The following CSNK1G3 variants were observed in gnomAD, a reference collection of about 807,000 sequenced individuals.
The protein encoded by CSNK1G3 is casein kinase 1 gamma 3, also known as casein kinase I isoform gamma-3.
A neutral mutation model predicts 64.3 loss-of-function variants in CSNK1G3; 23 were observed. That is an observed-to-expected ratio of 0.36 (90% CI 0.26 to 0.51). CSNK1G3 has a LOEUF of 0.51. Ranked by LOEUF, CSNK1G3 falls within the 20% of genes least tolerant of loss-of-function variation. CSNK1G3 has a pLI of 0.96. For missense variants in CSNK1G3, 357 were observed against 510.5 expected (o/e 0.70, Z 2.90); for synonymous variants, 158 against 162.2 (o/e 0.97, Z 0.20).
At chr5:123,576,526 TCTTC>T (rs1789202741) in intron 6 of CSNK1G3, among the ~76,000 whole-genome samples, 2 of 152,236 alleles carry the variant, frequency 1.3e-5, no homozygotes, top group South Asian at 4.1e-4. Flanking sequence ...TTTATAGCAT[TCTTC>T]CTTCACCCAG....
intron 3 of CSNK1G3, among the ~76,000 whole-genome samples, chr5:123,556,166 G>A (rs1002105232): frequency 6.6e-6 from 1 of 151,972 alleles, no homozygotes; most frequent in Non-Finnish European, 1.5e-5. Context: ...GTTTTCTCCT[G>A]TAATAAAACT....
chr5:123,541,659 T>A (rs1454786802), intron 1 of CSNK1G3, among the ~76,000 whole-genome samples: 1 of 152,178 alleles, frequency 6.6e-6, no homozygotes, highest in East Asian at 1.9e-4. Context: ...CTTGAACTCC[T>A]GAGGTCAAGC....
chr5:123,577,749 G>A (rs1324519221), intron 6 of CSNK1G3, among the ~76,000 whole-genome samples: 1 of 151,294 alleles, frequency 6.6e-6, no homozygotes, highest in Non-Finnish European at 1.5e-5. Context: ...AATTTACATT[G>A]GGTAAAATAT....
intron 1 of CSNK1G3, among the ~76,000 whole-genome samples, chr5:123,539,559 A>G (rs1257183182): frequency 6.6e-6 from 1 of 152,012 alleles, no homozygotes; most frequent in African/African-American, 2.4e-5. Context: ...TTTGATTATT[A>G]TTTGTTAAAC....
At chr5:123,611,926 A>ATTT (rs1796403045) in intron 12 of CSNK1G3, among the ~76,000 whole-genome samples, 1 of 152,134 alleles carries the variant, frequency 6.6e-6, no homozygotes, top group Non-Finnish European at 1.5e-5. Context: ...GGAGTAAAGG[A>ATTT]TTTTATCTTT....
At chr5:123,607,258 G>A (rs1795518648) in intron 12 of CSNK1G3, among the ~76,000 whole-genome samples, 2 of 152,204 alleles carry the variant, frequency 1.3e-5, no homozygotes, top group Admixed American at 1.3e-4. Flanking sequence ...ACTTTATATA[G>A]CATTGGTTCC....
intron 4 of CSNK1G3, among the ~76,000 whole-genome samples, chr5:123,567,888 A>G (rs1298818067): frequency 6.6e-6 from 1 of 152,180 alleles, no homozygotes; most frequent in Non-Finnish European, 1.5e-5. Context: ...AATAAGAAAT[A>G]AGTGTTTATT....
intron 2 of CSNK1G3, among the ~76,000 whole-genome samples, chr5:123,551,388 G>C (rs1391500670): frequency 6.6e-6 from 1 of 152,100 alleles, no homozygotes; most frequent in Non-Finnish European, 1.5e-5. Context: ...TTAAAAATAT[G>C]TATATAGGTT....
At chr5:123,611,373 AATT>A (rs1484905552) in intron 12 of CSNK1G3, among the ~76,000 whole-genome samples, 1 of 152,132 alleles carries the variant, frequency 6.6e-6, no homozygotes, top group Non-Finnish European at 1.5e-5. Flanking sequence ...ATTTAGTGGG[AATT>A]ATTTAAAATA....
intron 1 of CSNK1G3, among the ~76,000 whole-genome samples, chr5:123,533,397 T>C (rs1348718420): frequency 4.6e-5 from 7 of 151,982 alleles, no homozygotes; most frequent in Admixed American, 6.6e-5. Flanking sequence ...TCGTACGGTA[T>C]TATGACAAGC....
At chr5:123,587,345 G>T (rs138342807) in intron 6 of CSNK1G3, among the ~76,000 whole-genome samples, 1 of 152,262 alleles carries the variant, frequency 6.6e-6, no homozygotes, top group African/African-American at 2.4e-5. Flanking sequence ...GAAACATCAA[G>T]AAATCTTAAG....
rs1486118838 is a variant in CSNK1G3 at position 123,573,642 on chromosome 5, G to A, written c.438+101G>A. The A allele has an allele frequency of 2.9e-6, 3 of 1,049,146 alleles. No individual in the cohort carries two copies. The Admixed American group carries it at 8.1e-5, about 28-fold the overall frequency. The allele number at this position is 1,049,146 out of a possible 1,614,324, so 65.0% of individuals were successfully genotyped here. On this transcript the variant is annotated intron_variant, in intron 5 of 12. Transcript: ENST00000345990. ...AAGTTCTGTGATATTGTCTTACAGA[G>A]CGTTTGACGTAATACAAATGTTTCT...
intron 1 of CSNK1G3, among the ~76,000 whole-genome samples, chr5:123,528,201 A>G (rs567625241): frequency 6.6e-6 from 1 of 152,154 alleles, no homozygotes; most frequent in South Asian, 2.1e-4. Context: ...CTTCTGGCTC[A>G]TAGCTTTGTT....
intron 4 of CSNK1G3, among the ~76,000 whole-genome samples, chr5:123,569,529 TACTA>T (rs1374931305): frequency 6.6e-6 from 1 of 152,220 alleles, no homozygotes; most frequent in Non-Finnish European, 1.5e-5. Flanking sequence ...GTATTTCAAA[TACTA>T]ACACATTTCA....
At chr5:123,591,594 CTTAA>C (rs143038092) in intron 10 of CSNK1G3, among the ~76,000 whole-genome samples, 180 bp downstream of exon 10, 7,622 of 151,882 alleles carry the variant, frequency 0.05, 244 homozygotes, top group Non-Finnish European at 0.075. Context: ...ATCATAAATC[CTTAA>C]TTAATGGTAC....
intron 2 of CSNK1G3, among the ~76,000 whole-genome samples, chr5:123,550,123 C>A (rs1221519216): frequency 6.6e-6 from 1 of 152,000 alleles, no homozygotes; most frequent in African/African-American, 2.4e-5. Context: ...ATAAAACTTA[C>A]CTGAAAAATG....
chr5:123,541,520 C>T (rs1198227935), intron 1 of CSNK1G3, among the ~76,000 whole-genome samples: 1 of 152,144 alleles, frequency 6.6e-6, no homozygotes, highest in African/African-American at 2.4e-5. Context: ...CCTCTGCCTC[C>T]CAGGTTCAAG....
intron 1 of CSNK1G3, among the ~76,000 whole-genome samples, chr5:123,541,954 T>A (rs1034883863): frequency 2.0e-5 from 3 of 152,142 alleles, no homozygotes; most frequent in Non-Finnish European, 4.4e-5. Flanking sequence ...TTGTACTGTT[T>A]TTTTAGCTAT....
At chr5:123,556,892 A>G (rs11959808) in intron 3 of CSNK1G3, among the ~76,000 whole-genome samples, 49,694 of 151,770 alleles carry the variant, frequency 0.33, 8,177 homozygotes, top group Middle Eastern at 0.42. Context: ...GAAATCCAGC[A>G]ACAGGCAAAA....
Sources: gnomAD v4.1 joint callset for allele counts (sites outside exome capture counted in the v4.1 genomes callset) on GRCh38, gnomAD v4.1.1 for gene constraint, MANE v1.5 for transcripts, NCBI Gene and HGNC (gene_info 2026-07-23, HGNC 2026-07-21) for gene names.